PKHD1L1: variants seen among roughly 807,000 people sequenced by gnomAD.
PKHD1L1 encodes fibrocystin-L.
Under a neutral mutation model 462.9 loss-of-function variants are expected in PKHD1L1, and 434 were observed. That is an observed-to-expected ratio of 0.94 (90% CI 0.87 to 1.02). The LOEUF is 1.02. Ranked by LOEUF, PKHD1L1 falls within the 50% of genes least tolerant of loss-of-function variation. The pLI, the probability that PKHD1L1 is intolerant of heterozygous loss-of-function variation, is 0.00. For missense variants in PKHD1L1, 5,202 were observed against 5,096.1 expected (o/e 1.02, Z -0.63); for synonymous variants, 1,781 against 1,750.0 (o/e 1.02, Z -0.44).
rs149981838 is a variant in PKHD1L1 at position 109,522,574 on chromosome 8, A to G, written c.12184-170A>G. Among the ~76,000 whole-genome samples the G allele has an allele frequency of 3.9e-5, 6 of 152,344 alleles. No individual in the cohort carries two copies. The East Asian group carries it at 1.2e-3, about 29-fold the overall frequency. ...ATTTGTTTTGCTTTGCATATTTATA[A>G]CAATGCTTCATAAATGTAATGGAGG... On this transcript the variant is annotated intron_variant, in intron 74 of 77. Transcript: ENST00000378402.
rs1271434128 is a variant in PKHD1L1 at position 109,459,687 on chromosome 8, A to G, written c.7097A>G (p.His2366Arg). Reference protein sequence around the residue: ...ITLSNPLNYTHLGITVTLPDG... With the variant: ...ITLSNPLNYTRLGITVTLPDG... ...CTAAGTAACCCACTAAATTACACAC[A>G]CTTAGGAATTACGGTCACACTCCCT... The change falls in exon 47 of 78, where the codon CAC becomes CGC. Residue 2366 changes from histidine to arginine, a missense_variant. This residue lies in a region of PKHD1L1 where 4,497 missense variants were observed against 4,336.8 expected (regional missense o/e 1.04). Transcript: ENST00000378402. 14 of 1,611,480 alleles carry G rather than the reference A, an allele frequency of 8.7e-6. No individual in the cohort carries two copies. In the South Asian group the frequency reaches 1.5e-4, roughly 18 times the overall value.
intron 19 of PKHD1L1, 99 bp downstream of exon 19, chr8:109,410,077 T>A: frequency 6.0e-6 from 4 of 663,582 alleles, no homozygotes; most frequent in Non-Finnish European, 9.4e-6. Context: ...TTAATAACTT[T>A]GTTATTCACA....
intron 19 of PKHD1L1, among the ~76,000 whole-genome samples, chr8:109,411,769 C>T (rs907429149): frequency 2.6e-5 from 4 of 152,148 alleles, no homozygotes; most frequent in African/African-American, 9.7e-5. Context: ...TCTTTAAAGA[C>T]TTAACTCATT....
intron 71 of PKHD1L1, among the ~76,000 whole-genome samples, chr8:109,511,954 G>A (rs1246379807): frequency 6.6e-6 from 1 of 152,194 alleles, no homozygotes; most frequent in Non-Finnish European, 1.5e-5. Context: ...GTGATGGTGA[G>A]CATTTTTTCA....
chr8:109,464,785 T>C lies in PKHD1L1; in HGVS notation c.7953T>C (p.Leu2651=), dbSNP rs561239027. The C allele has an allele frequency of 6.2e-7, 1 of 1,613,774 alleles. No individual in the cohort carries two copies. The highest frequency in any genetic ancestry group is 1.3e-5 in the African/African-American group (1 of 75,038). ...CTGCACCTGCAATATTTAACTCACT[T>C]ACTACTTGGAATTGTCAAAAAGGAG... is the stretch of plus-strand genomic sequence containing the variant. The part of the protein sequence containing the change: ...TVPAPAIFNS[L]TTWNCQKGAE... Residue 2651 remains leucine, a synonymous_variant, in exon 49 of 78, where the codon CTT becomes CTC. Coordinates refer to ENST00000378402, the MANE Select transcript of PKHD1L1 (RefSeq NM_177531.6).
intron 23 of PKHD1L1, among the ~76,000 whole-genome samples, chr8:109,424,542 A>C (rs1210129635): frequency 1.3e-5 from 2 of 152,184 alleles, no homozygotes; most frequent in South Asian, 2.1e-4. Context: ...TTGGGGTTAC[A>C]ATCTATGAAT....
rs918396505 is a variant in PKHD1L1 at position 109,451,156 on chromosome 8, T to C, written c.6350+7T>C. 1 of 1,594,314 alleles carries C rather than the reference T, an allele frequency of 6.3e-7. No homozygotes were observed. Among genetic ancestry groups the C allele is most frequent in the South Asian group, 1.1e-5 (1 of 88,896 alleles). ...TCGTGGGATCAGGATTCAGGTACTG[T>C]CTCCACACAAACACGCATCATTGTG... is the stretch of plus-strand genomic sequence containing the variant. On this transcript the variant is annotated splice_region_variant and intron_variant, in intron 41 of 77. Transcript: ENST00000378402.
intron 57 of PKHD1L1, among the ~76,000 whole-genome samples, chr8:109,483,363 AT>A (rs1280235238): frequency 1.2e-4 from 18 of 150,170 alleles, no homozygotes; most frequent in Non-Finnish European, 2.5e-4. Flanking sequence ...ATTTATATAT[AT>A]TTTATGACTG....
chr8:109,385,391 C>T (rs1483846998), intron 5 of PKHD1L1, 146 bp from the exon 6 acceptor site: 2 of 492,774 alleles, frequency 4.1e-6, no homozygotes, highest in Non-Finnish European at 7.1e-6. Context: ...CTAGAACTTT[C>T]AGAACAATGC....
At chr8:109,476,336 A>G (rs1817985256) in intron 51 of PKHD1L1, among the ~76,000 whole-genome samples, 172 bp from the exon 52 acceptor site, 1 of 152,090 alleles carries the variant, frequency 6.6e-6, no homozygotes, top group South Asian at 2.1e-4. Flanking sequence ...CATTATTGTC[A>G]TAGACATGTA....
chr8:109,485,746 C>G (rs909506980), intron 58 of PKHD1L1, among the ~76,000 whole-genome samples: 23 of 151,920 alleles, frequency 1.5e-4, no homozygotes, highest in African/African-American at 5.5e-4. Context: ...CTTTCAGATG[C>G]CCATGATGCT....
At position 109,481,565 on chromosome 8, in the gene PKHD1L1, G is replaced by T; in HGVS notation, c.9457+3G>T. Reference sequence around the variant, plus strand: ...AAATCAAGGGGCAAAGGTCTTAGGTGTGTGTCTACAGATACCAAAAGTGTC... The same window carrying T: ...AAATCAAGGGGCAAAGGTCTTAGGTTTGTGTCTACAGATACCAAAAGTGTC... On this transcript the variant is annotated splice_donor_region_variant and intron_variant, in intron 56 of 77. Transcript: ENST00000378402. 1 of 1,577,034 alleles carries T rather than the reference G, an allele frequency of 6.3e-7. No individual in the cohort carries two copies. Among genetic ancestry groups the T allele is most frequent in the Non-Finnish European group, 8.6e-7 (1 of 1,163,148 alleles).
At chr8:109,513,719 T>C (rs1820121805) in intron 71 of PKHD1L1, among the ~76,000 whole-genome samples, 1 of 152,056 alleles carries the variant, frequency 6.6e-6, no homozygotes, top group South Asian at 2.1e-4. Flanking sequence ...AGACAAAACC[T>C]TGGAACCACT....
At chr8:109,434,992 C>A (rs1351479708) in intron 28 of PKHD1L1, among the ~76,000 whole-genome samples, 198 bp from the exon 29 acceptor site, 3 of 151,970 alleles carry the variant, frequency 2.0e-5, no homozygotes, top group African/African-American at 7.3e-5. Flanking sequence ...CTAGGAGTGT[C>A]TGATTCATAG....
chr8:109,449,372 A>G lies in PKHD1L1; in HGVS notation c.6060A>G (p.Thr2020=), dbSNP rs1311188932. The G allele has an allele frequency of 5.7e-6, 9 of 1,581,264 alleles. No individual in the cohort carries two copies. The highest frequency in any genetic ancestry group is 7.7e-6 in the Non-Finnish European group (9 of 1,162,124). The change falls in exon 40 of 78, where the codon ACA becomes ACG. Residue 2020 remains threonine, a synonymous_variant. Transcript: ENST00000378402. The part of the protein sequence containing the change: ...SFGGGQTMTV[T]GTGFNPQNSI... ...GTGGGGGTCAAACCATGACTGTGACAGGCACCGGATTTAATCCACAAAATT... is the reference window on the plus strand; with the variant it reads ...GTGGGGGTCAAACCATGACTGTGACGGGCACCGGATTTAATCCACAAAATT...
intron 73 of PKHD1L1, 146 bp from the exon 74 acceptor site, chr8:109,522,040 C>A: frequency 3.1e-6 from 2 of 654,244 alleles, no homozygotes. Context: ...AATATGACTG[C>A]TGTGTTTTGC....
intron 32 of PKHD1L1, 110 bp from the exon 33 acceptor site, chr8:109,440,600 G>A (rs1815723133): frequency 1.0e-6 from 1 of 954,106 alleles, no homozygotes; most frequent in Non-Finnish European, 1.5e-6. Context: ...GTAATGTACA[G>A]TTAAATATCC....
rs1332313358 is a variant in PKHD1L1, at chr8:109,498,701, C to T, written c.10758C>T (p.Asn3586=). 2.5e-6 allele frequency: 4 copies of T among 1,613,894 alleles called. No homozygotes were observed. In the African/African-American group the frequency reaches 5.3e-5, roughly 22 times the overall value. Residue 3586 remains asparagine, a synonymous_variant, in exon 67 of 78, where the codon AAC becomes AAT. Transcript: ENST00000378402. ...GGCCTACCTTTGCTTCAGCTCATAACATGGCACCCCGAAAGCCCCATGCAG... is the reference window on the plus strand; with the variant it reads ...GGCCTACCTTTGCTTCAGCTCATAATATGGCACCCCGAAAGCCCCATGCAG... ...ICWPTFASAH[N]MAPRKPHAGI... is the part of the protein sequence containing the mutation.
At chr8:109,477,971 T>C (rs1006882983) in intron 53 of PKHD1L1, among the ~76,000 whole-genome samples, 1 of 152,180 alleles carries the variant, frequency 6.6e-6, no homozygotes, top group Non-Finnish European at 1.5e-5. Context: ...ATTAGAGTAA[T>C]TACTGGACAT....
Sources: gnomAD v4.1 joint callset for allele counts (sites outside exome capture counted in the v4.1 genomes callset) on GRCh38, gnomAD v4.1.1 for gene constraint, gnomAD v4.1.1 regional missense constraint, MANE v1.5 for transcripts, NCBI Gene and HGNC (gene_info 2026-07-23, HGNC 2026-07-21) for gene names.